The following EXOC6 variants were observed in gnomAD, a reference collection of about 807,000 sequenced individuals.
The protein encoded by EXOC6 is exocyst complex component 6, also known as SEC15-like 1.
In EXOC6, 60 loss-of-function variants were observed where a neutral mutation model predicts 112.5. That is an observed-to-expected ratio of 0.53 (90% CI 0.43 to 0.66). The LOEUF is 0.66. EXOC6 is among the 30% of genes least tolerant of loss of function. The pLI is 0.00. For synonymous variants in EXOC6, 295 were observed against 308.0 expected (o/e 0.96, Z 0.44); for missense variants, 855 against 957.1 (o/e 0.89, Z 1.41).
intron 1 of EXOC6, among the ~76,000 whole-genome samples, chr10:92,838,350 C>T (rs1284018234): frequency 6.6e-6 from 1 of 152,218 alleles, no homozygotes; most frequent in Non-Finnish European, 1.5e-5. Flanking sequence ...GGACAAGCTT[C>T]TTCCAGATGG....
intron 6 of EXOC6, among the ~76,000 whole-genome samples, chr10:92,913,513 T>C (rs1189767809): frequency 6.6e-6 from 1 of 152,208 alleles, no homozygotes; most frequent in East Asian, 1.9e-4. Flanking sequence ...TTTGCTGTCT[T>C]ACAGATTTTG....
At chr10:92,988,769 T>C (rs1843109680) in intron 18 of EXOC6, among the ~76,000 whole-genome samples, 1 of 150,372 alleles carries the variant, frequency 6.7e-6, no homozygotes. Context: ...AGATCACTGC[T>C]GACATGACAA....
intron 17 of EXOC6, among the ~76,000 whole-genome samples, chr10:92,966,171 A>G (rs1842040474): frequency 6.6e-6 from 1 of 152,016 alleles, no homozygotes; most frequent in South Asian, 2.1e-4. Flanking sequence ...AACAAAAAGC[A>G]ATAAATAAAT....
chr10:93,012,614 T>C (rs1844300513), intron 19 of EXOC6, among the ~76,000 whole-genome samples: 1 of 152,240 alleles, frequency 6.6e-6, no homozygotes, highest in Non-Finnish European at 1.5e-5. Context: ...TTGTTGATTT[T>C]GAGCCTTTCT....
chr10:92,942,966 T>G (rs1053818339), intron 13 of EXOC6, among the ~76,000 whole-genome samples: 1 of 152,138 alleles, frequency 6.6e-6, no homozygotes, highest in Non-Finnish European at 1.5e-5. Flanking sequence ...AACACAAAAT[T>G]TCCAAATATA....
chr10:92,931,447 GATAC>G (rs1852033069), intron 9 of EXOC6, among the ~76,000 whole-genome samples: 1 of 143,556 alleles, frequency 7.0e-6, no homozygotes, highest in Non-Finnish European at 1.5e-5. Context: ...GTGATATTTT[GATAC>G]ATATATATAT....
intron 18 of EXOC6, among the ~76,000 whole-genome samples, chr10:92,997,216 T>G (rs896267241): frequency 6.6e-6 from 1 of 152,178 alleles, no homozygotes; most frequent in Non-Finnish European, 1.5e-5. Flanking sequence ...TAACTGGTAT[T>G]TTAATTTTCC....
chr10:92,960,728 A>G (rs933804290), intron 17 of EXOC6, among the ~76,000 whole-genome samples: 1 of 152,036 alleles, frequency 6.6e-6, no homozygotes, highest in African/African-American at 2.4e-5. Context: ...TTTTAACGGC[A>G]CAGAGTAGTT....
intron 18 of EXOC6, among the ~76,000 whole-genome samples, chr10:92,993,426 A>G (rs80260693): frequency 0.015 from 2,284 of 152,294 alleles, 58 homozygotes; most frequent in African/African-American, 0.052. Flanking sequence ...TGAAAGCAGC[A>G]TTGTAAAGTG....
intron 19 of EXOC6, 21 bp downstream of exon 19, chr10:92,997,636 T>C (rs1564897613): frequency 1.3e-6 from 2 of 1,553,304 alleles, no homozygotes; most frequent in Non-Finnish European, 8.7e-7. Flanking sequence ...TATTGGTTTA[T>C]TCTTATGTAT....
intron 1 of EXOC6, among the ~76,000 whole-genome samples, chr10:92,852,051 A>G (rs1291934481): frequency 6.6e-6 from 1 of 152,240 alleles, no homozygotes; most frequent in Non-Finnish European, 1.5e-5. Context: ...CCTAGGCAAC[A>G]GAGTGAGACC....
chr10:93,042,951 TATTA>T (rs1564933930), intron 20 of EXOC6, among the ~76,000 whole-genome samples: 4 of 115,448 alleles, frequency 3.5e-5, no homozygotes, highest in Non-Finnish European at 3.7e-5. Flanking sequence ...TTATTATTAT[TATTA>T]TTATTTTTTG....
chr10:92,865,211 A>G (rs564696280), intron 1 of EXOC6, among the ~76,000 whole-genome samples: 20 of 152,122 alleles, frequency 1.3e-4, no homozygotes, highest in Non-Finnish European at 2.5e-4. Context: ...CACAGGATTT[A>G]GGGGCACTGT....
At chr10:92,996,067 C>T (rs777458288) in intron 18 of EXOC6, among the ~76,000 whole-genome samples, 102 of 151,974 alleles carry the variant, frequency 6.7e-4, no homozygotes, top group Non-Finnish European at 1.3e-3. Flanking sequence ...ATTTTGGTCA[C>T]GATTTTGTAG....
At chr10:92,995,213 A>G (rs1246512630) in intron 18 of EXOC6, among the ~76,000 whole-genome samples, 1 of 151,966 alleles carries the variant, frequency 6.6e-6, no homozygotes, top group Non-Finnish European at 1.5e-5. Flanking sequence ...GTGTGTGTGT[A>G]TGTATGTGTG....
chr10:92,954,674 T>C lies in EXOC6; in HGVS notation c.1571T>C (p.Leu524Pro). ...DDMLRKSTNL[L>P]LTRTLSSCLL... is the part of the protein sequence containing the mutation. ...ATGCTTAGAAAATCAACAAATCTGC[T>C]GCTGACCAGAACTTTGAGTAGCTGT... The change falls in exon 16 of 22, where the codon CTG becomes CCG. Residue 524 changes from leucine to proline, a missense_variant. Coordinates refer to ENST00000260762, the MANE Select transcript of EXOC6 (RefSeq NM_019053.6). 1 of 1,610,116 alleles carries C rather than the reference T, an allele frequency of 6.2e-7. No individual in the cohort carries two copies. The highest frequency in any genetic ancestry group is 8.5e-7 in the Non-Finnish European group (1 of 1,177,428).
chr10:92,912,317 A>G (rs572611448), intron 6 of EXOC6, among the ~76,000 whole-genome samples: 6 of 152,246 alleles, frequency 3.9e-5, no homozygotes, highest in South Asian at 2.1e-4. Context: ...CCGCAATGCA[A>G]CGGGGCTCTC....
chr10:92,876,674 A>C (rs1213710635), intron 1 of EXOC6, among the ~76,000 whole-genome samples: 1 of 152,178 alleles, frequency 6.6e-6, no homozygotes, highest in Non-Finnish European at 1.5e-5. Context: ...GGAGGCTCAG[A>C]TCTTGGAAAG....
At chr10:92,833,960 A>C (rs1286910166), upstream of EXOC6, among the ~76,000 whole-genome samples, 1 of 151,760 alleles carries the variant, frequency 6.6e-6, no homozygotes, top group African/African-American at 2.4e-5. Flanking sequence ...TGACATCTTC[A>C]TTCTCTTTCT....
Sources: allele counts gnomAD v4.1 joint callset (sites outside exome capture counted in the v4.1 genomes callset), GRCh38; gene constraint gnomAD v4.1.1; transcripts MANE v1.5; gene names NCBI Gene and HGNC (gene_info 2026-07-23, HGNC 2026-07-21).